The following BNC2 variants were observed in gnomAD, a reference collection of about 807,000 sequenced individuals.
The protein encoded by BNC2 is basonuclin zinc finger protein 2, also known as zinc finger protein basonuclin-2.
BNC2 carries 20 observed loss-of-function variants against 76.3 expected under a neutral mutation model. The ratio of observed to expected loss-of-function variants is 0.26; its 90% CI spans 0.18 to 0.38. The LOEUF is 0.38. Among genes scored for constraint, BNC2 ranks in the 10% least tolerant of loss-of-function variants. BNC2 has a pLI of 1.00. For missense variants in BNC2, 1,382 were observed against 1,399.8 expected (o/e 0.99, Z 0.20); for synonymous variants, 582 against 514.8 (o/e 1.13, Z -1.77).
chr9:16,640,210 A>G (rs897119120), intron 3 of BNC2, among the ~76,000 whole-genome samples: 5 of 152,200 alleles, frequency 3.3e-5, no homozygotes, highest in African/African-American at 9.6e-5. Flanking sequence ...TCAGACTACA[A>G]AAGCCAAGAG....
At chr9:16,637,319 G>A (rs575968094) in intron 3 of BNC2, among the ~76,000 whole-genome samples, 12 of 152,262 alleles carry the variant, frequency 7.9e-5, no homozygotes, top group African/African-American at 2.4e-4. Context: ...CAGAACTAAA[G>A]TGAAGTTGGA....
At chr9:16,652,452 C>T (rs59379949) in intron 3 of BNC2, among the ~76,000 whole-genome samples, 18,447 of 152,038 alleles carry the variant, frequency 0.12, 1,995 homozygotes, top group African/African-American at 0.29. Context: ...GGGCTTTTCA[C>T]GAAAGTGAAT....
chr9:16,590,632 C>A (rs561338317), intron 3 of BNC2, among the ~76,000 whole-genome samples: 197 of 152,174 alleles, frequency 1.3e-3, no homozygotes, highest in African/African-American at 4.3e-3. Flanking sequence ...CATGGCGAAA[C>A]CTCGTCTCTA....
At chr9:16,818,972 C>T (rs984842584) in intron 1 of BNC2, among the ~76,000 whole-genome samples, 1 of 151,970 alleles carries the variant, frequency 6.6e-6, no homozygotes, top group South Asian at 2.1e-4. Flanking sequence ...ACCTCAGAAC[C>T]TTGGCAATAA....
intron 5 of BNC2, among the ~76,000 whole-genome samples, chr9:16,536,212 C>T (rs1241800722): frequency 1.3e-5 from 2 of 152,180 alleles, no homozygotes; most frequent in Non-Finnish European, 1.5e-5. Flanking sequence ...GCCCTTGGTG[C>T]TCTGGTTCTT....
intron 5 of BNC2, among the ~76,000 whole-genome samples, chr9:16,484,303 C>T (rs1351067100): frequency 6.6e-6 from 1 of 152,216 alleles, no homozygotes; most frequent in Non-Finnish European, 1.5e-5. Flanking sequence ...TTTTGACACA[C>T]TGGAAAATGT....
intron 4 of BNC2, among the ~76,000 whole-genome samples, chr9:16,563,667 C>G (rs1236744631): frequency 1.3e-5 from 2 of 152,190 alleles, no homozygotes; most frequent in Non-Finnish European, 2.9e-5. Context: ...AACAAACCTC[C>G]TAGTCCCATG....
chr9:16,858,821 G>C (rs1000247021), intron 1 of BNC2, among the ~76,000 whole-genome samples: 2 of 151,754 alleles, frequency 1.3e-5, no homozygotes, highest in Non-Finnish European at 2.9e-5. Flanking sequence ...ACTCCAGCCT[G>C]GGCGAAAGAG....
At chr9:16,498,864 G>A (rs1387250552) in intron 5 of BNC2, among the ~76,000 whole-genome samples, 1 of 152,072 alleles carries the variant, frequency 6.6e-6, no homozygotes, top group East Asian at 1.9e-4. Flanking sequence ...GCCCGCAGAG[G>A]AGGTGCGTGT....
At chr9:16,765,637 T>C (rs1825669429) in intron 1 of BNC2, among the ~76,000 whole-genome samples, 1 of 152,120 alleles carries the variant, frequency 6.6e-6, no homozygotes, top group Non-Finnish European at 1.5e-5. Flanking sequence ...CCCAAACTCT[T>C]TTGGTAAAAG....
At chr9:16,725,217 T>TCACACACACACACA (rs4007689) in intron 3 of BNC2, among the ~76,000 whole-genome samples, 70 of 148,262 alleles carry the variant, frequency 4.7e-4, no homozygotes, top group South Asian at 1.5e-3. Context: ...TCTCTCTCTC[T>TCACACACACACACA]CACACACACA....
intron 5 of BNC2, among the ~76,000 whole-genome samples, chr9:16,464,649 C>T (rs1363750179): frequency 2.6e-5 from 4 of 152,008 alleles, no homozygotes; most frequent in Admixed American, 6.5e-5. Context: ...ATTTTTGTCT[C>T]GGGTTCAAGC....
At chr9:16,518,014 C>T (rs1817491007) in intron 5 of BNC2, among the ~76,000 whole-genome samples, 1 of 152,074 alleles carries the variant, frequency 6.6e-6, no homozygotes, top group Non-Finnish European at 1.5e-5. Flanking sequence ...ATTGGGCCTA[C>T]CAGTTGCATC....
intron 1 of BNC2, among the ~76,000 whole-genome samples, chr9:16,860,680 A>G (rs1468077688): frequency 6.6e-6 from 1 of 152,240 alleles, no homozygotes; most frequent in African/African-American, 2.4e-5. Context: ...AACATCAACA[A>G]CAACAAAAAT....
intron 3 of BNC2, among the ~76,000 whole-genome samples, chr9:16,634,797 G>A (rs139477697): frequency 3.3e-5 from 5 of 152,192 alleles, no homozygotes; most frequent in East Asian, 3.9e-4. Context: ...AACCGCGCCC[G>A]GCCCAAATAC....
At chr9:16,480,856 C>T (rs1249924184) in intron 5 of BNC2, among the ~76,000 whole-genome samples, 1 of 152,204 alleles carries the variant, frequency 6.6e-6, no homozygotes, top group Non-Finnish European at 1.5e-5. Context: ...CTCCACGGCG[C>T]CCAGTCCCAT....
intron 3 of BNC2, among the ~76,000 whole-genome samples, chr9:16,668,348 GA>G (rs1822363632): frequency 6.6e-6 from 1 of 152,180 alleles, no homozygotes; most frequent in Admixed American, 6.5e-5. Flanking sequence ...AGTATCCTAT[GA>G]AAAGACCTTT....
intron 2 of BNC2, among the ~76,000 whole-genome samples, chr9:16,735,490 T>C (rs1229840956): frequency 1.3e-5 from 2 of 152,002 alleles, no homozygotes; most frequent in African/African-American, 4.8e-5. Context: ...GTAATGTTAA[T>C]TTCTTTGTTT....
chr9:16,620,167 G>GCTA (rs1820824444), intron 3 of BNC2, among the ~76,000 whole-genome samples: 1 of 152,146 alleles, frequency 6.6e-6, no homozygotes, highest in Non-Finnish European at 1.5e-5. Flanking sequence ...ATGAAAAAGG[G>GCTA]CTACATTTGT....
Sources: allele counts gnomAD v4.1 joint callset (sites outside exome capture counted in the v4.1 genomes callset), GRCh38; gene constraint gnomAD v4.1.1; transcripts MANE v1.5; gene names NCBI Gene and HGNC (gene_info 2026-07-23, HGNC 2026-07-21).